THSD7A: variants seen among roughly 807,000 people sequenced by gnomAD.
THSD7A encodes thrombospondin type-1 domain-containing protein 7A.
Under a neutral mutation model 231.3 loss-of-function variants are expected in THSD7A, and 96 were observed. The observed-to-expected ratio is 0.41, with a 90% confidence interval of 0.35 to 0.49. The LOEUF is 0.49. Among genes scored for constraint, THSD7A ranks in the 20% least tolerant of loss-of-function variants. The probability of loss-of-function intolerance (pLI) is 0.05; values close to 1 mark genes in which losing one functional copy is unlikely to be tolerated. For synonymous variants in THSD7A, 940 were observed against 743.3 expected, an observed-to-expected ratio of 1.26 and a Z score of -4.30; for missense variants, 2,290 against 2,070.2, an observed-to-expected ratio of 1.11 and a Z score of -2.06.
Position 11,382,924 on chromosome 7 carries a change from TTA to T in THSD7A, c.4412-310_4412-309del, listed in dbSNP as rs140393382. On this transcript the variant is annotated intron_variant, in intron 23 of 27. Transcript: ENST00000423059. Reference sequence around the variant, plus strand: ...AGAGAATAACTGTATATATATATAGTTATATATATATATATATCTCCCATCAT... The same window carrying T: ...AGAGAATAACTGTATATATATATAGTTATATATATATATATCTCCCATCAT... Among the ~76,000 whole-genome samples the T allele has an allele frequency of 8.7e-3, 1,274 of 147,276 alleles. 15 individuals carry two copies. Among genetic ancestry groups the T allele is most frequent in the African/African-American group, 0.022 (868 of 40,366 alleles).
intron 4 of THSD7A, among the ~76,000 whole-genome samples, chr7:11,557,563 T>C (rs1385186101): frequency 1.3e-5 from 2 of 152,126 alleles, no homozygotes; most frequent in Admixed American, 6.6e-5. Context: ...CACAAGACTC[T>C]AGATCTTTTA....
At chr7:11,704,385 C>T (rs1780697073) in intron 1 of THSD7A, among the ~76,000 whole-genome samples, 1 of 150,906 alleles carries the variant, frequency 6.6e-6, no homozygotes, top group South Asian at 2.1e-4. Flanking sequence ...ATAATGTTTT[C>T]TTCCTGAGTC....
At position 11,632,911 on chromosome 7, in the gene THSD7A, A is replaced by G. The variant is rs1781706618; in HGVS notation, c.1022+3219T>C. 6.6e-6 allele frequency among the ~76,000 whole-genome samples: 1 copy of G among 152,154 alleles called. No individual in the cohort carries two copies. Among genetic ancestry groups the G allele is most frequent in the South Asian group, 2.1e-4 (1 of 4,830 alleles). The stretch of plus-strand genomic sequence containing the variant: ...TAATTTTTCTGGTTCTATCTTCAGG[A>G]ACATCAGCGTTTCATATAGTAATGT... On this transcript the variant is annotated intron_variant, in intron 2 of 27. Transcript: ENST00000423059. This position sits in a 1 kb window ranked among gnomAD's most constrained non-coding sequence, Gnocchi z 4.1.
intron 1 of THSD7A, among the ~76,000 whole-genome samples, chr7:11,763,371 A>G (rs545933568): frequency 6.6e-6 from 1 of 152,276 alleles, no homozygotes; most frequent in Admixed American, 6.5e-5. Context: ...CCATATCTTG[A>G]CTGAACTAAG....
At chr7:11,781,522 G>A (rs1783632027) in intron 1 of THSD7A, among the ~76,000 whole-genome samples, 1 of 152,104 alleles carries the variant, frequency 6.6e-6, no homozygotes, top group African/African-American at 2.4e-5. Flanking sequence ...CCCCTACTTC[G>A]ATGTAAAAAT....
At chr7:11,460,461 A>T (rs983053659) in intron 11 of THSD7A, among the ~76,000 whole-genome samples, 2 of 152,212 alleles carry the variant, frequency 1.3e-5, no homozygotes, top group Admixed American at 1.3e-4. Context: ...AAATTCAAGA[A>T]TTATGAGCTA....
At chr7:11,464,103 C>T (rs1313407451) in intron 9 of THSD7A, among the ~76,000 whole-genome samples, 3 of 152,056 alleles carry the variant, frequency 2.0e-5, no homozygotes, top group African/African-American at 7.2e-5. Context: ...CCTGGATTTG[C>T]CCTTCTTTTA....
At chr7:11,704,797 C>T (rs1408799375) in intron 1 of THSD7A, among the ~76,000 whole-genome samples, 1 of 151,036 alleles carries the variant, frequency 6.6e-6, no homozygotes, top group East Asian at 2.0e-4. Flanking sequence ...AACTATTCCT[C>T]TCTAGCTTCT....
intron 1 of THSD7A, among the ~76,000 whole-genome samples, chr7:11,815,778 T>A (rs1330475042): frequency 2.6e-5 from 4 of 152,196 alleles, no homozygotes; most frequent in Non-Finnish European, 5.9e-5. Context: ...CTAGATTCTA[T>A]GAATCAGAAA....
Position 11,396,061 on chromosome 7 carries a change from TA to T in THSD7A, c.4411+5733del, listed in dbSNP as rs1251505376. ...ATGACTACTGGGTAAATAACAAAAC[TA>T]AAGCAGAAATAAGTAAGTAAGTTAT... is the stretch of plus-strand genomic sequence containing the variant. On this transcript the variant is annotated intron_variant, in intron 23 of 27. Coordinates refer to ENST00000423059, the MANE Select transcript of THSD7A (RefSeq NM_015204.3). Among the ~76,000 whole-genome samples the T allele has an allele frequency of 6.6e-5, 10 of 152,076 alleles. No individual in the cohort carries two copies. In the East Asian group the frequency reaches 1.9e-3, roughly 29 times the overall value.
At chr7:11,552,375 A>T (rs1008519752) in intron 4 of THSD7A, among the ~76,000 whole-genome samples, 1 of 152,120 alleles carries the variant, frequency 6.6e-6, no homozygotes, top group Non-Finnish European at 1.5e-5. Flanking sequence ...AAAAGGAAAC[A>T]GGTTAAAACA....
At chr7:11,487,490 A>C in intron 6 of THSD7A, among the ~76,000 whole-genome samples, 1 of 152,196 alleles carries the variant, frequency 6.6e-6, no homozygotes, top group East Asian at 1.9e-4. Context: ...TAATACATTA[A>C]ACATACAATC....
intron 1 of THSD7A, among the ~76,000 whole-genome samples, chr7:11,773,367 T>C (rs910490568): frequency 1.3e-5 from 2 of 152,184 alleles, no homozygotes; most frequent in Non-Finnish European, 2.9e-5. Flanking sequence ...ACCCTGTCTC[T>C]ACTAAAATAC....
intron 6 of THSD7A, among the ~76,000 whole-genome samples, chr7:11,501,308 C>G: frequency 6.6e-6 from 1 of 152,184 alleles, no homozygotes; most frequent in East Asian, 1.9e-4. Flanking sequence ...AATCTCCACC[C>G]AAAAGCAACA....
intron 1 of THSD7A, chr7:11,821,247 A>G (rs1784864466): frequency 1.7e-6 from 2 of 1,151,516 alleles, no homozygotes; most frequent in Non-Finnish European, 1.3e-6. Flanking sequence ...CTGAGGGTCT[A>G]CGCTGAGACT....
chr7:11,763,473 T>G (rs1265518798), intron 1 of THSD7A, among the ~76,000 whole-genome samples: 1 of 152,188 alleles, frequency 6.6e-6, no homozygotes, highest in Admixed American at 6.5e-5. Context: ...TGCATATATA[T>G]CCATGTACAC....
rs1781615182 is a variant in THSD7A at position 11,728,330 on chromosome 7, A to T, written c.191-91369T>A. On this transcript the variant is annotated intron_variant, in intron 1 of 27. Transcript: ENST00000423059. ...AAAGCCATGCTCAACCTTTTCATAT[A>T]CTGGAGTTTAATGTATTGGAGTTTT... is the stretch of plus-strand genomic sequence containing the variant. Among the ~76,000 whole-genome samples, 5 of 151,966 alleles carry T rather than the reference A, an allele frequency of 3.3e-5. No individual in the cohort carries two copies. The South Asian group carries it at 1.0e-3, about 31-fold the overall frequency.
chr7:11,683,964 T>C (rs1779932770), intron 1 of THSD7A, among the ~76,000 whole-genome samples: 1 of 151,942 alleles, frequency 6.6e-6, no homozygotes, highest in Admixed American at 6.6e-5. Flanking sequence ...CTGATCAACA[T>C]AGATGCAAAT....
intron 6 of THSD7A, among the ~76,000 whole-genome samples, chr7:11,514,149 C>A (rs1787932028): frequency 6.6e-6 from 1 of 151,990 alleles, no homozygotes; most frequent in Non-Finnish European, 1.5e-5. Flanking sequence ...GAGAGGCTCT[C>A]CTTGACCACT....
Sources: gnomAD v4.1 joint callset for allele counts (sites outside exome capture counted in the v4.1 genomes callset) on GRCh38, gnomAD v4.1.1 for gene constraint, Gnocchi (gnomAD v3.1) non-coding constraint, MANE v1.5 for transcripts, NCBI Gene and HGNC (gene_info 2026-07-23, HGNC 2026-07-21) for gene names.